The following KIAA0319L variants were observed in gnomAD, a reference collection of about 807,000 sequenced individuals.
KIAA0319L encodes the protein KIAA0319 like, also known as dyslexia-associated protein KIAA0319-like protein.
KIAA0319L carries 55 observed loss-of-function variants against 120.1 expected under a neutral mutation model. The observed-to-expected ratio is 0.46, with a 90% CI of 0.37 to 0.57. The LOEUF is 0.57. KIAA0319L is among the 20% of genes least tolerant of loss of function. KIAA0319L has a pLI of 0.00. For synonymous variants in KIAA0319L, 398 were observed against 471.9 expected (o/e 0.84, Z 2.03); for missense variants, 1,049 against 1,255.3 (o/e 0.84, Z 2.48).
intron 3 of KIAA0319L, among the ~76,000 whole-genome samples, chr1:35,494,816 A>T (rs945054899): frequency 3.3e-5 from 5 of 152,230 alleles, no homozygotes; most frequent in Non-Finnish European, 7.3e-5. Context: ...GTCTCAAAAA[A>T]GAAAGCTACA....
intron 2 of KIAA0319L, among the ~76,000 whole-genome samples, chr1:35,530,935 T>TGGCAAC (rs1351453903): frequency 1.3e-5 from 2 of 152,176 alleles, no homozygotes; most frequent in African/African-American, 4.8e-5. Flanking sequence ...TTGATTGGCA[T>TGGCAAC]GGCAACAGCA....
intron 9 of KIAA0319L, among the ~76,000 whole-genome samples, chr1:35,456,846 G>C (rs1446355434): frequency 7.5e-6 from 1 of 133,742 alleles, no homozygotes; most frequent in Non-Finnish European, 1.6e-5. Context: ...GAAGGAAGGA[G>C]AGATGGAGGG....
intron 7 of KIAA0319L, 65 bp downstream of exon 7, chr1:35,466,543 A>G (rs1414763997): frequency 9.3e-7 from 1 of 1,077,318 alleles, no homozygotes; most frequent in East Asian, 2.4e-5. Flanking sequence ...CCCAAATCAA[A>G]TCTCTATCTC....
intron 3 of KIAA0319L, among the ~76,000 whole-genome samples, chr1:35,502,317 A>G (rs752240616): frequency 1.3e-5 from 2 of 151,988 alleles, no homozygotes; most frequent in Non-Finnish European, 2.9e-5. Context: ...CAGTAATAGT[A>G]ATTCACAAGA....
chr1:35,534,260 T>C lies in KIAA0319L; in HGVS notation c.142+20090A>G, dbSNP rs1014139008. Reference sequence around the variant, plus strand: ...ACACTAACTGCTACACAAGAATTAATAGGCTTTGTGTACATATTCTGACTT... The same window carrying C: ...ACACTAACTGCTACACAAGAATTAACAGGCTTTGTGTACATATTCTGACTT... On this transcript the variant is annotated intron_variant, in intron 2 of 20. Transcript: ENST00000325722. Among the ~76,000 whole-genome samples the C allele has an allele frequency of 2.0e-5, 3 of 152,230 alleles. No homozygotes were observed. The East Asian group carries it at 5.8e-4, about 29-fold the overall frequency.
chr1:35,458,790 A>G (rs1480677153), intron 9 of KIAA0319L, among the ~76,000 whole-genome samples: 1 of 152,222 alleles, frequency 6.6e-6, no homozygotes, highest in Non-Finnish European at 1.5e-5. Flanking sequence ...AAAAGGATCA[A>G]CCTGGCCCAA....
At chr1:35,494,630 G>C (rs1030787379) in intron 3 of KIAA0319L, among the ~76,000 whole-genome samples, 1 of 149,422 alleles carries the variant, frequency 6.7e-6, no homozygotes, top group Non-Finnish European at 1.5e-5. Context: ...CCCCATCTCC[G>C]CTAAAATAAC....
At chr1:35,457,688 C>T (rs1642581059) in intron 9 of KIAA0319L, among the ~76,000 whole-genome samples, 1 of 152,060 alleles carries the variant, frequency 6.6e-6, no homozygotes, top group Non-Finnish European at 1.5e-5. Flanking sequence ...ATAGAAAAGA[C>T]ATGTAGTTTG....
At chr1:35,466,046 A>G (rs914200904) in intron 7 of KIAA0319L, among the ~76,000 whole-genome samples, 1 of 152,180 alleles carries the variant, frequency 6.6e-6, no homozygotes, top group East Asian at 1.9e-4. Context: ...AAAATGTACT[A>G]ATACAACTGC....
At chr1:35,455,573 A>AATTTT (rs1558318793) in intron 10 of KIAA0319L, among the ~76,000 whole-genome samples, 1 of 93,466 alleles carries the variant, frequency 1.1e-5, no homozygotes, top group African/African-American at 5.0e-5. Flanking sequence ...ATTTAAGATA[A>AATTTT]TTTTTTTTTT....
chr1:35,542,263 T>C (rs1646822202), intron 2 of KIAA0319L, among the ~76,000 whole-genome samples: 1 of 152,244 alleles, frequency 6.6e-6, no homozygotes, highest in Non-Finnish European at 1.5e-5. Context: ...TAAGAGGTAC[T>C]GTCATTTCCA....
rs1166592731 is a variant in KIAA0319L at position 35,442,395 on chromosome 1, G to A, written c.2780-59C>T. On this transcript the variant is annotated intron_variant, in intron 18 of 20. Coordinates refer to ENST00000325722, the MANE Select transcript of KIAA0319L (RefSeq NM_024874.5). ...AGGGAGAGGCTGGGAGGGAGGTCTGGGCTGCTCCCAGCTTGGGCAGGTGTG... is the reference window on the plus strand; with the variant it reads ...AGGGAGAGGCTGGGAGGGAGGTCTGAGCTGCTCCCAGCTTGGGCAGGTGTG... 14 of 1,333,916 alleles carry A rather than the reference G, an allele frequency of 1.0e-5. No homozygotes were observed. In the East Asian group the frequency reaches 3.2e-4, roughly 31 times the overall value. 82.6% of individuals were successfully genotyped at this position (1,333,916 alleles called of 1,614,324 possible).
intron 18 of KIAA0319L, 64 bp downstream of exon 18, chr1:35,442,842 C>T: frequency 1.2e-6 from 2 of 1,601,496 alleles, no homozygotes; most frequent in East Asian, 2.2e-5. Context: ...CAACACCCAC[C>T]CACTCAGTGC....
intron 2 of KIAA0319L, among the ~76,000 whole-genome samples, chr1:35,518,977 C>CAAAAAA (rs766877681): frequency 1.7e-5 from 1 of 59,780 alleles, no homozygotes; most frequent in African/African-American, 5.6e-5. Flanking sequence ...GACTCTGTCT[C>CAAAAAA]AAAAAAAAAA....
chr1:35,548,477 G>A (rs951442002), intron 2 of KIAA0319L, among the ~76,000 whole-genome samples: 1 of 152,054 alleles, frequency 6.6e-6, no homozygotes, highest in Non-Finnish European at 1.5e-5. Context: ...CTTAAGAGGT[G>A]CACAAGACAA....
chr1:35,439,973 T>A (rs1450645244), intron 20 of KIAA0319L: 1 of 152,106 alleles, frequency 6.6e-6, no homozygotes, highest in Non-Finnish European at 1.5e-5. Flanking sequence ...CATTGAAGAA[T>A]GTCAGGGGGT....
In KIAA0319L at chr1:35,506,663, T is replaced by C. The variant is rs1392282334; in HGVS notation, c.615A>G (p.Lys205=). The C allele has an allele frequency of 1.2e-6, 2 of 1,614,200 alleles. No individual in the cohort carries two copies. The highest frequency in any genetic ancestry group is 1.7e-6 in the Non-Finnish European group (2 of 1,180,014). ...CACCTAATTCGTTGGAGTCATTCAC[T>C]TTAGAATGCTGTGTCACTATAGGTG... ...VVTPIVTQHS[K]VNDSNELGGL... Residue 205 remains lysine, a synonymous_variant, in exon 3 of 21, where the codon AAA becomes AAG. Transcript: ENST00000325722. The surrounding 1 kb of genome is among the most constrained non-coding windows in gnomAD (Gnocchi z 4.0).
intron 2 of KIAA0319L, among the ~76,000 whole-genome samples, chr1:35,526,861 G>A (rs1372162904): frequency 2.0e-5 from 3 of 152,092 alleles, no homozygotes; most frequent in Non-Finnish European, 4.4e-5. Context: ...AGGGTCACAT[G>A]AGGCCAGGAG....
intron 8 of KIAA0319L, among the ~76,000 whole-genome samples, chr1:35,460,961 T>C (rs1381911697): frequency 6.6e-6 from 1 of 152,230 alleles, no homozygotes; most frequent in African/African-American, 2.4e-5. Context: ...CCTAAAAATA[T>C]ACTTGTACAT....
Sources: gnomAD v4.1 joint callset for allele counts (sites outside exome capture counted in the v4.1 genomes callset) on GRCh38, gnomAD v4.1.1 for gene constraint, Gnocchi (gnomAD v3.1) non-coding constraint, MANE v1.5 for transcripts, NCBI Gene and HGNC (gene_info 2026-07-23, HGNC 2026-07-21) for gene names.